The following ZFP1 variants were observed in gnomAD, a reference collection of about 807,000 sequenced individuals.
ZFP1 encodes the protein ZFP1 zinc finger protein.
In ZFP1, 32 loss-of-function variants were observed where a neutral mutation model predicts 38.5. The ratio of observed to expected loss-of-function variants is 0.83; its 90% CI spans 0.63 to 1.12. The LOEUF is 1.12. Among genes scored for constraint, ZFP1 ranks in the 50% most tolerant of loss-of-function variants. ZFP1 has a pLI of 0.00. For missense variants in ZFP1, 616 were observed against 480.8 expected (o/e 1.28, Z -2.63); for synonymous variants, 245 against 168.8 (o/e 1.45, Z -3.50).
At chr16:75,155,726 G>A (rs2037438598) in intron 2 of ZFP1, among the ~76,000 whole-genome samples, 1 of 152,116 alleles carries the variant, frequency 6.6e-6, no homozygotes, top group Non-Finnish European at 1.5e-5. Context: ...CTAGTAGATA[G>A]CCACTATCTT....
chr16:75,125,684 C>G, the ZFP1 span, among the ~76,000 whole-genome samples: 1 of 151,996 alleles, frequency 6.6e-6, no homozygotes, highest in Admixed American at 6.6e-5. Flanking sequence ...TTTTGGAAAA[C>G]AAATTTAATT....
At chr16:75,123,449 G>GTGTGTGTGTGTA in the ZFP1 span, among the ~76,000 whole-genome samples, 1 of 48,386 alleles carries the variant, frequency 2.1e-5, no homozygotes, top group African/African-American at 8.6e-5. Context: ...GTGTGTGTGT[G>GTGTGTGTGTGTA]TATATGTATA....
the ZFP1 span, among the ~76,000 whole-genome samples, chr16:75,132,158 C>CG: frequency 1.3e-5 from 2 of 151,834 alleles, no homozygotes; most frequent in Admixed American, 1.3e-4. Context: ...GAAGCCAAGG[C>CG]GGGGAGATCA....
chr16:75,170,570 C>T lies in ZFP1; in HGVS notation c.*236C>T. 2.1e-6 allele frequency: 1 copy of T among 469,258 alleles called. No homozygotes were observed. The highest frequency in any genetic ancestry group is 3.5e-6 in the Non-Finnish European group (1 of 288,730). 29.1% of individuals were successfully genotyped at this position (469,258 alleles called of 1,614,324 possible). A position where few individuals can be genotyped will look rare whatever the true frequency, so the allele number is the denominator to read the frequency against. On this transcript the variant is annotated 3_prime_UTR_variant, in exon 4 of 4. Coordinates refer to ENST00000570010, the MANE Select transcript of ZFP1 (RefSeq NM_153688.4). ...TTGTAAATAGCCATACCCAGTTGTA[C>T]TACAATGAGCTTTTTAAAATCTTGA...
chr16:75,125,241 A>T, the ZFP1 span, among the ~76,000 whole-genome samples: 1 of 150,400 alleles, frequency 6.6e-6, no homozygotes, highest in Non-Finnish European at 1.5e-5. Context: ...CTGGGACAAC[A>T]GAGCAAGACT....
rs145861974 is a variant in ZFP1 at position 75,168,214 on chromosome 16, C to A, written c.143-1039C>A. 4.5e-3 allele frequency among the ~76,000 whole-genome samples: 679 copies of A among 152,318 alleles called. 4 individuals carry two copies. The highest frequency in any genetic ancestry group is 0.016 in the African/African-American group (656 of 41,576). Reference sequence around the variant, plus strand: ...GGTAGTTCTGAATTATTTGAGAAATCTTCAGACTGTTCTCCACAGTGGCTG... The same window carrying A: ...GGTAGTTCTGAATTATTTGAGAAATATTCAGACTGTTCTCCACAGTGGCTG... On this transcript the variant is annotated intron_variant, in intron 3 of 3. Coordinates refer to ENST00000570010, the MANE Select transcript of ZFP1 (RefSeq NM_153688.4).
chr16:75,150,042 C>T (rs1342137358), intron 1 of ZFP1, among the ~76,000 whole-genome samples: 4 of 152,074 alleles, frequency 2.6e-5, no homozygotes, highest in East Asian at 1.9e-4. Flanking sequence ...GCCTTGGCTT[C>T]CCAAAGTGCT....
rs189604763 is a variant in ZFP1 at position 75,169,553 on chromosome 16, A to C, written c.443A>C (p.Lys148Thr). The C allele has an allele frequency of 1.1e-5, 17 of 1,612,296 alleles. No individual in the cohort carries two copies. Among genetic ancestry groups the C allele is most frequent in the East Asian group, 2.2e-5 (1 of 44,866 alleles). Residue 148 changes from lysine to threonine, a missense_variant, in exon 4 of 4, where the codon AAA becomes ACA. By Grantham distance (78) the Lys-to-Thr change is moderately conservative (BLOSUM62 -1). Transcript: ENST00000570010. ...GCACTTCTCTACCTGAAGCAAGAGAAAACCCACAGTGGAGTAGAATATTCT... is the reference window on the plus strand; with the variant it reads ...GCACTTCTCTACCTGAAGCAAGAGACAACCCACAGTGGAGTAGAATATTCT... ...GKALLYLKQE[K>T]THSGVEYSEY... is the part of the protein sequence containing the mutation.
At chr16:75,153,473 T>C (rs1370443476) in intron 2 of ZFP1, among the ~76,000 whole-genome samples, 1 of 152,196 alleles carries the variant, frequency 6.6e-6, no homozygotes, top group Non-Finnish European at 1.5e-5. Context: ...CAAGTACAAA[T>C]AAAAGCACAA....
In ZFP1 at chr16:75,166,902, G is replaced by C. The variant is rs2038118971; in HGVS notation, c.142+6G>C. 1.2e-6 allele frequency: 2 copies of C among 1,612,920 alleles called. No homozygotes were observed. The highest frequency in any genetic ancestry group is 2.7e-5 in the African/African-American group (2 of 75,038). ...TAGCAACTTACTTTCAGTGGGTAAG[G>C]ACGGTTTTCAGGTACAGCTCACCAT... On this transcript the variant is annotated splice_donor_region_variant and intron_variant, in intron 3 of 3. Coordinates refer to ENST00000570010, the MANE Select transcript of ZFP1 (RefSeq NM_153688.4).
chr16:75,121,370 C>A, the ZFP1 span, among the ~76,000 whole-genome samples: 1 of 152,126 alleles, frequency 6.6e-6, no homozygotes, highest in Non-Finnish European at 1.5e-5. Flanking sequence ...TGTGATCCGC[C>A]CACCTCGGCC....
the ZFP1 span, among the ~76,000 whole-genome samples, chr16:75,143,399 G>C: frequency 6.6e-6 from 1 of 151,856 alleles, no homozygotes; most frequent in Non-Finnish European, 1.5e-5. Flanking sequence ...ATGCCACCAG[G>C]CCCAGCTAAT....
intron 2 of ZFP1, among the ~76,000 whole-genome samples, chr16:75,154,573 GTTTTTTT>G (rs33986637): frequency 9.0e-6 from 1 of 111,246 alleles, no homozygotes; most frequent in African/African-American, 3.3e-5. Flanking sequence ...ATGAATGAGA[GTTTTTTT>G]TTTTTTTTTT....
chr16:75,155,663 T>G (rs905738532), intron 2 of ZFP1, among the ~76,000 whole-genome samples: 7 of 152,182 alleles, frequency 4.6e-5, no homozygotes, highest in Non-Finnish European at 7.4e-5. Context: ...GCACCCAAGT[T>G]AAGAAATAGA....
At chr16:75,146,801 A>G (rs565123168), upstream of ZFP1, among the ~76,000 whole-genome samples, 1 of 152,190 alleles carries the variant, frequency 6.6e-6, no homozygotes, top group Admixed American at 6.6e-5. Flanking sequence ...TTACCCAGGC[A>G]TGGCTGTGTA....
rs2038299593 is a variant in ZFP1 at position 75,169,473 on chromosome 16, T to C, written c.363T>C (p.Asn121=). 1.2e-6 allele frequency: 2 copies of C among 1,612,862 alleles called. No individual in the cohort carries two copies. The highest frequency in any genetic ancestry group is 1.7e-5 in the Admixed American group (1 of 59,688). Residue 121 remains asparagine (N), a synonymous_variant, in exon 4 of 4, where the codon AAT becomes AAC. Coordinates refer to ENST00000570010, the MANE Select transcript of ZFP1 (RefSeq NM_153688.4). ...TGAAATATAATTCAGACTTGCTTAA[T>C]AGTAATAGAAGCTATGCAGGAAAGC... ...KTLKYNSDLL[N]SNRSYAGKQT... is the part of the protein sequence containing the mutation.
chr16:75,145,728 G>A (rs1474323858), upstream of ZFP1, among the ~76,000 whole-genome samples: 4 of 152,232 alleles, frequency 2.6e-5, no homozygotes, highest in East Asian at 1.9e-4. Context: ...ATCTTCCCAC[G>A]CCATCCCCTT....
Position 75,160,299 on chromosome 16 carries a change from A to G in ZFP1, c.16-6471A>G, listed in dbSNP as rs920989386. On this transcript the variant is annotated intron_variant, in intron 2 of 3. Transcript: ENST00000570010. ...TGTAATCTCAGCACTTTGAAGGGCC[A>G]AGGTGGGTGGATCCCTTGAGGGCAG... Among the ~76,000 whole-genome samples, 8 of 152,278 alleles carry G rather than the reference A, an allele frequency of 5.3e-5. 1 individual carries two copies. Among genetic ancestry groups the G allele is most frequent in the East Asian group, 1.9e-4 (1 of 5,186 alleles).
chr16:75,133,787 G>A, the ZFP1 span, among the ~76,000 whole-genome samples: 55 of 152,196 alleles, frequency 3.6e-4, no homozygotes, highest in Non-Finnish European at 6.9e-4. Flanking sequence ...GGTAACTCAC[G>A]CCTGTAATCC....
Sources: gnomAD v4.1 joint callset for allele counts (sites outside exome capture counted in the v4.1 genomes callset) on GRCh38, gnomAD v4.1.1 for gene constraint, MANE v1.5 for transcripts, NCBI Gene and HGNC (gene_info 2026-07-23, HGNC 2026-07-21) for gene names.